The following MTRF1 variants were observed in gnomAD, a reference collection of about 807,000 sequenced individuals.
The protein encoded by MTRF1 is peptide chain release factor 1, mitochondrial.
MTRF1 carries 51 observed loss-of-function variants against 62.9 expected under a neutral mutation model. The observed-to-expected ratio is 0.81, with a 90% CI of 0.65 to 1.02. The LOEUF (loss-of-function observed/expected upper bound fraction) is 1.02. MTRF1 is among the 50% of genes least tolerant of loss of function. The pLI is 0.00. For synonymous variants in MTRF1, 158 were observed against 181.9 expected (o/e 0.87, Z 1.06); for missense variants, 446 against 530.0 (o/e 0.84, Z 1.56).
At chr13:41,223,222 T>C in intron 9 of MTRF1, 34 bp downstream of exon 9, 1 of 1,461,076 alleles carries the variant, frequency 6.8e-7, no homozygotes, top group South Asian at 1.2e-5. Flanking sequence ...TCTTCTGAAA[T>C]CAAAGGTAGG....
At chr13:41,273,153 C>T in the MTRF1 span, among the ~76,000 whole-genome samples, 11 of 152,044 alleles carry the variant, frequency 7.2e-5, no homozygotes, top group African/African-American at 1.4e-4. Context: ...AGTGAAACCC[C>T]GTCTCTACTA....
chr13:41,284,205 G>T, the MTRF1 span, among the ~76,000 whole-genome samples: 21 of 151,682 alleles, frequency 1.4e-4, no homozygotes, highest in East Asian at 4.1e-3. Context: ...AGCTGATTAG[G>T]CCTAGCACGG....
chr13:41,226,010 A>G (rs1214345988), intron 8 of MTRF1, among the ~76,000 whole-genome samples: 2 of 152,136 alleles, frequency 1.3e-5, no homozygotes, highest in Non-Finnish European at 2.9e-5. Context: ...CCTAGTCTCC[A>G]TCAGTAGTAT....
the MTRF1 span, among the ~76,000 whole-genome samples, chr13:41,277,564 G>C: frequency 6.6e-6 from 1 of 152,194 alleles, no homozygotes; most frequent in Non-Finnish European, 1.5e-5. Context: ...CATAGGGCAA[G>C]GTATGGGGAA....
chr13:41,294,609 G>C, the MTRF1 span, among the ~76,000 whole-genome samples: 3 of 151,886 alleles, frequency 2.0e-5, no homozygotes, highest in Non-Finnish European at 4.4e-5. Context: ...TGGTAAGAAA[G>C]GTTAAAAAGA....
chr13:41,303,336 T>G, the MTRF1 span, among the ~76,000 whole-genome samples: 1 of 152,096 alleles, frequency 6.6e-6, no homozygotes, highest in Non-Finnish European at 1.5e-5. Context: ...TGGAGAGAGA[T>G]TTGAAATAAT....
intron 7 of MTRF1, chr13:41,229,763 A>G (rs1245433517): frequency 1.3e-5 from 2 of 152,202 alleles, no homozygotes; most frequent in African/African-American, 2.4e-5. Flanking sequence ...TTAAGTATTC[A>G]ACAATTTATG....
At position 41,252,753 on chromosome 13, in the gene MTRF1, C is replaced by T; in HGVS notation, c.590-1G>A. 1 of 1,612,096 alleles carries T rather than the reference C, an allele frequency of 6.2e-7. No individual in the cohort carries two copies. On this transcript the variant is annotated splice_acceptor_variant, in intron 4 of 9. Coordinates refer to ENST00000379480, the MANE Select transcript of MTRF1 (RefSeq NM_004294.4). LOFTEE classifies it high-confidence loss of function. Reference sequence around the variant, plus strand: ...CGGGTAAATTGTTGGCAGATGTCACCTAAAACAAAATACGAAAAATATTTA... The same window carrying T: ...CGGGTAAATTGTTGGCAGATGTCACTTAAAACAAAATACGAAAAATATTTA...
the MTRF1 span, among the ~76,000 whole-genome samples, chr13:41,298,780 G>A: frequency 1.3e-5 from 2 of 152,164 alleles, no homozygotes; most frequent in African/African-American, 4.8e-5. Context: ...ATCAAGTCAG[G>A]TTCTCCTCTA....
At chr13:41,301,385 A>T in the MTRF1 span, among the ~76,000 whole-genome samples, 2 of 152,134 alleles carry the variant, frequency 1.3e-5, no homozygotes, top group Non-Finnish European at 2.9e-5. Context: ...ATTATACAGA[A>T]GCTTATGTAC....
the MTRF1 span, among the ~76,000 whole-genome samples, chr13:41,280,000 C>T: frequency 5.9e-5 from 9 of 152,052 alleles, no homozygotes; most frequent in South Asian, 2.1e-4. Flanking sequence ...GACAGTGGCC[C>T]GATCTCAGCT....
chr13:41,269,030 T>TA, the MTRF1 span, among the ~76,000 whole-genome samples: 697 of 150,106 alleles, frequency 4.6e-3, 6 homozygotes, highest in African/African-American at 0.016. Context: ...TTTTTTTTTT[T>TA]TAAAACCAGT....
At chr13:41,300,541 C>T in the MTRF1 span, among the ~76,000 whole-genome samples, 7 of 150,086 alleles carry the variant, frequency 4.7e-5, no homozygotes, top group East Asian at 5.9e-4. Flanking sequence ...AGCTGAGATC[C>T]GGCCACTGCA....
At chr13:41,288,124 G>A in the MTRF1 span, 1 of 505,010 alleles carries the variant, frequency 2.0e-6, no homozygotes, top group South Asian at 1.5e-5. Flanking sequence ...GGCATAATCT[G>A]TCATAATCTT....
At chr13:41,300,987 G>A in the MTRF1 span, among the ~76,000 whole-genome samples, 2 of 152,166 alleles carry the variant, frequency 1.3e-5, no homozygotes, top group Admixed American at 6.5e-5. Flanking sequence ...ATTGCTCTGA[G>A]CTATTTCTCT....
the MTRF1 span, among the ~76,000 whole-genome samples, chr13:41,300,962 C>A: frequency 1.3e-5 from 2 of 152,172 alleles, no homozygotes; most frequent in African/African-American, 2.4e-5. Flanking sequence ...ATTTTGCATA[C>A]CTCACGTAGA....
At chr13:41,244,893 T>TA (rs897178150) in intron 5 of MTRF1, among the ~76,000 whole-genome samples, 2 of 152,174 alleles carry the variant, frequency 1.3e-5, no homozygotes, top group Non-Finnish European at 2.9e-5. Context: ...AATTGTGAGA[T>TA]AAAAAATGTT....
chr13:41,303,221 T>C, the MTRF1 span, among the ~76,000 whole-genome samples: 1 of 152,108 alleles, frequency 6.6e-6, no homozygotes, highest in Non-Finnish European at 1.5e-5. Flanking sequence ...TGGAAGATAA[T>C]ACATTTTATT....
At chr13:41,286,085 C>CAAAA in the MTRF1 span, among the ~76,000 whole-genome samples, 7 of 41,710 alleles carry the variant, frequency 1.7e-4, no homozygotes, top group African/African-American at 3.7e-4. Flanking sequence ...ACAACAACAA[C>CAAAA]AACAAAAAAA....
Sources: allele counts gnomAD v4.1 joint callset (sites outside exome capture counted in the v4.1 genomes callset), GRCh38; gene constraint gnomAD v4.1.1; transcripts MANE v1.5; gene names NCBI Gene and HGNC (gene_info 2026-07-23, HGNC 2026-07-21).